Variants in RNF214 observed in about 807,000 individuals in gnomAD.
RNF214 encodes ring finger protein 214.
A neutral mutation model predicts 75.9 loss-of-function variants in RNF214; 25 were observed. The ratio of observed to expected loss-of-function variants is 0.33; its 90% CI spans 0.24 to 0.46. The LOEUF is 0.46. Ranked by LOEUF, RNF214 falls within the 20% of genes least tolerant of loss-of-function variation. The pLI is 1.00. For synonymous variants in RNF214, 314 were observed against 308.8 expected, an observed-to-expected ratio of 1.02 and a Z score of -0.18; for missense variants, 725 against 857.5, an observed-to-expected ratio of 0.85 and a Z score of 1.93.
chr11:117,241,212 T>C (rs1232334579), intron 4 of RNF214, among the ~76,000 whole-genome samples: 1 of 151,090 alleles, frequency 6.6e-6, no homozygotes, highest in East Asian at 2.0e-4. Flanking sequence ...AAACAAAAAT[T>C]AGCCTGTAAT....
chr11:117,273,553 T>C (rs1307045371), intron 6 of RNF214, among the ~76,000 whole-genome samples: 1 of 152,184 alleles, frequency 6.6e-6, no homozygotes. Context: ...CAAAATGTTA[T>C]ACAACCAACA....
intron 6 of RNF214, among the ~76,000 whole-genome samples, chr11:117,249,849 A>G (rs145505752): frequency 5.9e-5 from 9 of 152,294 alleles, no homozygotes; most frequent in African/African-American, 1.9e-4. Flanking sequence ...ATTTAACCAT[A>G]ATTGCCTCCT....
At chr11:117,253,669 T>C (rs1473196051) in intron 6 of RNF214, among the ~76,000 whole-genome samples, 1 of 151,352 alleles carries the variant, frequency 6.6e-6, no homozygotes, top group Non-Finnish European at 1.5e-5. Flanking sequence ...TAGTGAGACC[T>C]TATCTCTATA....
At chr11:117,263,611 G>A (rs960738397) in intron 6 of RNF214, among the ~76,000 whole-genome samples, 1 of 152,200 alleles carries the variant, frequency 6.6e-6, no homozygotes, top group Non-Finnish European at 1.5e-5. Context: ...GCGTGCATAC[G>A]TAGGAGTCCC....
rs1351528248 is a variant in RNF214, at chr11:117,239,617, G to A, written c.619-184G>A. On this transcript the variant is annotated intron_variant, in intron 3 of 14. Transcript: ENST00000300650. ...CTTGTTTGGGTTATTTTGTGGGACCGATGATTAATGCAGCGTGGATGTTGG... is the reference window on the plus strand; with the variant it reads ...CTTGTTTGGGTTATTTTGTGGGACCAATGATTAATGCAGCGTGGATGTTGG... The A allele has an allele frequency of 2.0e-5, 12 of 591,518 alleles. No individual in the cohort carries two copies. In the East Asian group the frequency reaches 3.0e-4, roughly 15 times the overall value. 36.6% of individuals were successfully genotyped at this position (591,518 alleles called of 1,614,324 possible).
At chr11:117,265,606 G>A (rs954099161) in intron 6 of RNF214, among the ~76,000 whole-genome samples, 5 of 151,990 alleles carry the variant, frequency 3.3e-5, no homozygotes, top group African/African-American at 4.8e-5. Context: ...GTAGAAATAG[G>A]GTTTCACCAT....
Position 117,282,484 on chromosome 11 carries a change from A to G in RNF214, c.1793A>G (p.Gln598Arg). ...GGCCTGACCATGGAGGAACTTATCC[A>G]GTTGGTTGCTGCACGACTGGCAGAA... ...MAGLTMEELI[Q>R]LVAARLAEHE... Residue 598 changes from glutamine (Q) to arginine (R), a missense_variant, in exon 12 of 15, where the codon CAG becomes CGG. Around this residue, in one of 2 missense-constraint regions of RNF214, gnomAD observed 363 missense variants for 513.0 expected, o/e 0.71. Transcript: ENST00000300650. The G allele has an allele frequency of 5.0e-6, 8 of 1,614,162 alleles. No individual in the cohort carries two copies. The highest frequency in any genetic ancestry group is 6.8e-6 in the Non-Finnish European group (8 of 1,180,036).
intron 1 of RNF214, 144 bp from the exon 2 acceptor site, chr11:117,234,123 C>T: frequency 4.7e-6 from 3 of 635,430 alleles, no homozygotes; most frequent in Non-Finnish European, 8.5e-6. Context: ...TCTTTTAGTA[C>T]TCTTAAGTAT....
In RNF214 at chr11:117,234,310, C is replaced by T; in HGVS notation, c.38C>T (p.Ala13Val). The change falls in exon 2 of 15, where the codon GCC becomes GTC. Residue 13 changes from alanine to valine, a missense_variant. Physicochemically the swap from Ala to Val is moderately conservative, Grantham distance 64. Around this residue, in one of 2 missense-constraint regions of RNF214, gnomAD observed 362 missense variants for 344.5 expected, o/e 1.05. Transcript: ENST00000300650. The stretch of plus-strand genomic sequence containing the variant: ...GAGGTTGCTGGTGTTGTGGCCAATG[C>T]CCCCAGTCCTCCGGAATCTTCTAGT... ...ASEVAGVVAN[A>V]PSPPESSSLC... is the part of the protein sequence containing the mutation. 1 of 1,613,942 alleles carries T rather than the reference C, an allele frequency of 6.2e-7. No homozygotes were observed. Among genetic ancestry groups the T allele is most frequent in the Non-Finnish European group, 8.5e-7 (1 of 1,179,794 alleles).
At chr11:117,243,450 G>T (rs2033134003) in intron 4 of RNF214, among the ~76,000 whole-genome samples, 1 of 152,132 alleles carries the variant, frequency 6.6e-6, no homozygotes, top group African/African-American at 2.4e-5. Flanking sequence ...CCAGCCTTGA[G>T]AGCCTTTTGT....
At position 117,283,172 on chromosome 11, in the gene RNF214, C is replaced by T; in HGVS notation, c.2008C>T (p.Leu670=). Residue 670 remains leucine, a synonymous_variant, in exon 14 of 15, where the codon CTG becomes TTG. Transcript: ENST00000300650. ...MCQKLVQPSE[L]HPMACTHVLH... is the part of the protein sequence containing the mutation. ...CCAGAAACTCGTCCAGCCCAGTGAG[C>T]TGCATCCAATGGCGTGTACCCATGT... The T allele has an allele frequency of 6.2e-7, 1 of 1,614,066 alleles. No homozygotes were observed. Among genetic ancestry groups the T allele is most frequent in the Non-Finnish European group, 8.5e-7 (1 of 1,179,936 alleles).
At chr11:117,248,997 C>T (rs1182174032) in intron 6 of RNF214, among the ~76,000 whole-genome samples, 1 of 152,022 alleles carries the variant, frequency 6.6e-6, no homozygotes, top group East Asian at 1.9e-4. Flanking sequence ...AATCTCGGCT[C>T]ATGCAAGCTC....
intron 6 of RNF214, among the ~76,000 whole-genome samples, chr11:117,250,066 G>T (rs602007): frequency 0.018 from 2,696 of 152,298 alleles, 64 homozygotes; most frequent in African/African-American, 0.061. Flanking sequence ...ACTGTTTATT[G>T]TGAGAGACAT....
intron 6 of RNF214, among the ~76,000 whole-genome samples, chr11:117,259,782 A>G (rs1003074652): frequency 1.4e-4 from 21 of 151,602 alleles, no homozygotes; most frequent in African/African-American, 5.1e-4. Flanking sequence ...TTGAGTTTTT[A>G]TTGTTGTGTA....
intron 4 of RNF214, among the ~76,000 whole-genome samples, chr11:117,242,552 G>A (rs1483910760): frequency 2.6e-5 from 4 of 152,160 alleles, no homozygotes; most frequent in Admixed American, 2.6e-4. Context: ...AGGTCCACAT[G>A]CTTTTAAAAA....
At chr11:117,278,560 T>C (rs1010797245) in intron 6 of RNF214, among the ~76,000 whole-genome samples, 3 of 152,122 alleles carry the variant, frequency 2.0e-5, no homozygotes, top group African/African-American at 7.2e-5. Flanking sequence ...CTGAAAGTCA[T>C]CCATCCTGGG....
chr11:117,265,188 T>C (rs2033769335), intron 6 of RNF214, among the ~76,000 whole-genome samples: 1 of 152,182 alleles, frequency 6.6e-6, no homozygotes, highest in South Asian at 2.1e-4. Flanking sequence ...TCTATACTTT[T>C]ACTATGTAAA....
chr11:117,264,956 A>G (rs1218587922), intron 6 of RNF214, among the ~76,000 whole-genome samples: 9 of 151,814 alleles, frequency 5.9e-5, no homozygotes, highest in Non-Finnish European at 8.8e-5. Flanking sequence ...ACTCCCAGCT[A>G]CTTGGGGAGG....
At chr11:117,281,182 C>T (rs180782862) in intron 8 of RNF214, 132 bp from the exon 9 acceptor site, 7 of 637,544 alleles carry the variant, frequency 1.1e-5, no homozygotes, top group African/African-American at 1.8e-5. Flanking sequence ...CCACATTGCC[C>T]AGGCTGGTCT....
Sources: allele counts gnomAD v4.1 joint callset (sites outside exome capture counted in the v4.1 genomes callset), GRCh38; gene constraint gnomAD v4.1.1; regional missense constraint gnomAD v4.1.1; transcripts MANE v1.5; gene names NCBI Gene and HGNC (gene_info 2026-07-23, HGNC 2026-07-21).